MMP26: variants seen among roughly 807,000 people sequenced by gnomAD.
The protein encoded by MMP26 is matrix metalloproteinase-26.
Under a neutral mutation model 31.0 loss-of-function variants are expected in MMP26, and 33 were observed. That is an observed-to-expected ratio of 1.06 (90% confidence interval 0.81 to 1.42). The LOEUF is 1.42. MMP26 is among the 40% of genes most tolerant of loss of function. The pLI, the probability that MMP26 is intolerant of heterozygous loss-of-function variation, is 0.00. For synonymous variants in MMP26, 122 were observed against 114.9 expected, an observed-to-expected ratio of 1.06 and a Z score of -0.40; for missense variants, 347 against 316.1, an observed-to-expected ratio of 1.10 and a Z score of -0.74.
chr11:4,769,251 T>C, intron 2 of MMP26: 1 of 1,613,736 alleles, frequency 6.2e-7, no homozygotes, highest in African/African-American at 1.3e-5. Flanking sequence ...GAGTGAATAA[T>C]TAAGATATAT....
chr11:4,939,976 C>T (rs1329631534), intron 2 of MMP26, among the ~76,000 whole-genome samples: 1 of 152,056 alleles, frequency 6.6e-6, no homozygotes, highest in African/African-American at 2.4e-5. Flanking sequence ...TGGCATTTGT[C>T]TCACCATTGT....
chr11:4,915,628 G>T (rs143599659), intron 2 of MMP26: 2 of 1,611,818 alleles, frequency 1.2e-6, no homozygotes, highest in Non-Finnish European at 1.7e-6. Flanking sequence ...TAGCAGAAAC[G>T]CTGCTGCTGC....
intron 1 of MMP26, among the ~76,000 whole-genome samples, chr11:4,717,813 A>G (rs1332934095): frequency 6.6e-6 from 1 of 152,218 alleles, no homozygotes; most frequent in Non-Finnish European, 1.5e-5. Flanking sequence ...GTGGTAACCC[A>G]GCTGGTAAAT....
intron 2 of MMP26, chr11:4,913,041 C>T (rs1446024239): frequency 2.6e-5 from 4 of 152,182 alleles, no homozygotes; most frequent in Non-Finnish European, 5.9e-5. Flanking sequence ...AATTTATTTG[C>T]TTTCCACGTG....
At chr11:4,991,341 C>A in intron 5 of MMP26, 30 bp from the exon 6 acceptor site, 1 of 1,603,916 alleles carries the variant, frequency 6.2e-7, no homozygotes, top group African/African-American at 1.3e-5. Context: ...CCTCCACCCT[C>A]ATTGTGATCA....
chr11:4,859,463 A>T (rs11034360), intron 2 of MMP26: 90,471 of 345,250 alleles, frequency 0.26, 13,594 homozygotes, highest in South Asian at 0.35. Flanking sequence ...AACAATAATG[A>T]CCTGTTATGT....
At chr11:4,827,992 G>A (rs538623094) in intron 2 of MMP26, among the ~76,000 whole-genome samples, 2 of 152,082 alleles carry the variant, frequency 1.3e-5, no homozygotes, top group Non-Finnish European at 2.9e-5. Flanking sequence ...CTAATAGAAG[G>A]ATGTGCCATA....
At chr11:4,793,155 TTA>T (rs1158987126) in intron 2 of MMP26, among the ~76,000 whole-genome samples, 7 of 152,174 alleles carry the variant, frequency 4.6e-5, no homozygotes, top group Non-Finnish European at 8.8e-5. Context: ...ATAATCTCAT[TTA>T]ATTTTATAAT....
At chr11:4,776,936 A>T (rs929856480) in intron 2 of MMP26, among the ~76,000 whole-genome samples, 1 of 152,116 alleles carries the variant, frequency 6.6e-6, no homozygotes, top group Non-Finnish European at 1.5e-5. Context: ...ACAATTAGTG[A>T]TGTTGAGGAG....
At chr11:4,819,810 G>A (rs543632098) in intron 2 of MMP26, among the ~76,000 whole-genome samples, 1 of 151,984 alleles carries the variant, frequency 6.6e-6, no homozygotes, top group Admixed American at 6.6e-5. Flanking sequence ...GAACTCCTGG[G>A]CTCAAGTGAT....
chr11:4,760,448 C>T (rs1365064153), intron 1 of MMP26, among the ~76,000 whole-genome samples: 1 of 152,126 alleles, frequency 6.6e-6, no homozygotes, highest in African/African-American at 2.4e-5. Context: ...GATAACCAGC[C>T]TTAATATTTG....
chr11:4,821,907 G>A lies in MMP26; in HGVS notation c.-145+54566G>A, dbSNP rs1564788409. The A allele has an allele frequency of 1.9e-6, 3 of 1,613,832 alleles. No individual in the cohort carries two copies. In the East Asian group the frequency reaches 6.7e-5, roughly 36 times the overall value. ...ATGTTGCCGTCATGTTGCCAGTCATGCTCTTTGTCAAGAGGTTGTCCTTCT... is the reference window on the plus strand; with the variant it reads ...ATGTTGCCGTCATGTTGCCAGTCATACTCTTTGTCAAGAGGTTGTCCTTCT... On this transcript the variant is annotated intron_variant, in intron 2 of 7. Coordinates refer to ENST00000380390, the MANE Select transcript of MMP26 (RefSeq NM_021801.5).
rs1850812515 is a variant in MMP26 at position 4,902,169 on chromosome 11, CCT to C, written c.-144-85896_-144-85895del. 2.0e-5 allele frequency among the ~76,000 whole-genome samples: 3 copies of C among 152,148 alleles called. 1 individual carries two copies. The South Asian group carries it at 6.2e-4, about 32-fold the overall frequency. On this transcript the variant is annotated intron_variant, in intron 2 of 7. Coordinates refer to ENST00000380390, the MANE Select transcript of MMP26 (RefSeq NM_021801.5). ...TAAATAAATCTTGTGAGTTACCTTTCCTCTGGGTACTATTACAGTTCACTTCA... is the reference window on the plus strand; with the variant it reads ...TAAATAAATCTTGTGAGTTACCTTTCCTGGGTACTATTACAGTTCACTTCA...
intron 1 of MMP26, among the ~76,000 whole-genome samples, chr11:4,735,164 G>A (rs574812842): frequency 2.0e-5 from 3 of 152,312 alleles, no homozygotes; most frequent in Admixed American, 2.0e-4. Context: ...CTGTGGGGAA[G>A]GGAAGGGCCA....
intron 2 of MMP26, among the ~76,000 whole-genome samples, chr11:4,842,480 G>A (rs1029962314): frequency 2.6e-5 from 4 of 152,194 alleles, no homozygotes; most frequent in African/African-American, 4.8e-5. Flanking sequence ...AAGCAATCAC[G>A]TCTTCACATG....
At chr11:4,930,318 T>C (rs1851329403) in intron 2 of MMP26, among the ~76,000 whole-genome samples, 1 of 152,008 alleles carries the variant, frequency 6.6e-6, no homozygotes, top group African/African-American at 2.4e-5. Flanking sequence ...CTATAAAGAG[T>C]GTGGGTAGCT....
chr11:4,816,321 C>T (rs7926149), intron 2 of MMP26, among the ~76,000 whole-genome samples: 3 of 152,158 alleles, frequency 2.0e-5, no homozygotes, highest in African/African-American at 7.2e-5. Flanking sequence ...CATATGCAAT[C>T]TAGAAGAATA....
At chr11:4,767,610 A>G (rs1208648469) in intron 2 of MMP26, among the ~76,000 whole-genome samples, 3 of 152,224 alleles carry the variant, frequency 2.0e-5, no homozygotes, top group Non-Finnish European at 2.9e-5. Context: ...TATTATATAA[A>G]TATTTAAAAG....
At chr11:4,890,441 C>A in intron 2 of MMP26, 1 of 159,526 alleles carries the variant, frequency 6.3e-6, no homozygotes, top group South Asian at 1.7e-4. Flanking sequence ...AGGGCTCAGT[C>A]CTGATAACAA....
Sources: gnomAD v4.1 joint callset for allele counts (sites outside exome capture counted in the v4.1 genomes callset) on GRCh38, gnomAD v4.1.1 for gene constraint, MANE v1.5 for transcripts, NCBI Gene and HGNC (gene_info 2026-07-23, HGNC 2026-07-21) for gene names.